NTN3: variants seen among roughly 807,000 people sequenced by gnomAD.
The protein encoded by NTN3 is netrin-3.
In NTN3, 44 loss-of-function variants were observed where a neutral mutation model predicts 37.2. That is an observed-to-expected ratio of 1.18 (90% CI 0.93 to 1.52). The LOEUF (loss-of-function observed/expected upper bound fraction) is 1.52. Ranked by LOEUF, NTN3 falls within the 40% of genes most tolerant of loss-of-function variation. The pLI, the probability that NTN3 is intolerant of heterozygous loss-of-function variation, is 0.00. For missense variants in NTN3, 882 were observed against 857.3 expected (o/e 1.03, Z -0.36); for synonymous variants, 385 against 376.0 (o/e 1.02, Z -0.28).
intron 5 of NTN3, 84 bp downstream of exon 5, chr16:2,473,587 G>A (rs2065536714): frequency 8.3e-6 from 12 of 1,442,026 alleles, no homozygotes; most frequent in South Asian, 3.5e-5. Context: ...CCCTTGGAAC[G>A]CCTTGACCCT....
Position 2,471,935 on chromosome 16 carries a change from C to T in NTN3, c.234C>T (p.Pro78=), listed in dbSNP as rs1218673531. 1.9e-6 allele frequency: 3 copies of T among 1,550,872 alleles called. No individual in the cohort carries two copies. Among genetic ancestry groups the T allele is most frequent in the Admixed American group, 1.9e-5 (1 of 53,700 alleles). Residue 78 remains proline, a synonymous_variant, in exon 1 of 6, where the codon CCC becomes CCT. Coordinates refer to ENST00000293973, the MANE Select transcript of NTN3 (RefSeq NM_006181.3). ...DASDPRRAHS[P]ALLTSPGGTA... ...CCGACCCGCGACGGGCACACTCCCC[C>T]GCCCTCCTTACTTCCCCAGGGGGCA...
chr16:2,472,120 A>T lies in NTN3; in HGVS notation c.419A>T (p.His140Leu). 6.2e-7 allele frequency: 1 copy of T among 1,608,412 alleles called. No individual in the cohort carries two copies. The highest frequency in any genetic ancestry group is 8.5e-7 in the Non-Finnish European group (1 of 1,179,070). Residue 140 changes from histidine (H) to leucine (L), a missense_variant, in exon 1 of 6, where the codon CAT becomes CTT. Transcript: ENST00000293973. ...ASVALLKSQDHGRSWAPLGFF... is the reference protein window; with the variant it reads ...ASVALLKSQDLGRSWAPLGFF... ...GTGGCCCTGCTCAAGTCTCAGGACC[A>T]TGGCCGCAGCTGGGCCCCGCTGGGC... is the stretch of plus-strand genomic sequence containing the variant.
In NTN3 at chr16:2,473,093, C is replaced by T. The variant is rs2065532021; in HGVS notation, c.1226C>T (p.Pro409Leu). The change falls in exon 3 of 6, where the codon CCT becomes CTT. Residue 409 changes from proline (P) to leucine (L), a missense_variant. Transcript: ENST00000293973. ...GGCCTCACCTGCAACCGCTGCGCGC[C>T]TGGCTTCCAGCAAAGCCGCTCCCCA... ...VTGLTCNRCA[P>L]GFQQSRSPVA... 6.2e-7 allele frequency: 1 copy of T among 1,609,892 alleles called. No homozygotes were observed. Among genetic ancestry groups the T allele is most frequent in the Non-Finnish European group, 8.5e-7 (1 of 1,179,068 alleles).
In NTN3 at chr16:2,472,630, G is replaced by A. The variant is rs2141845121; in HGVS notation, c.928+1G>A. 6.3e-6 allele frequency: 10 copies of A among 1,596,744 alleles called. No homozygotes were observed. The East Asian group carries it at 2.2e-4, about 36-fold the overall frequency. ...GCCCGGGAATCCCACGCCTGCCTCG[G>A]TGAGGCCTTGGAGGGTGGCCTGGGG... On this transcript the variant is annotated splice_donor_variant, in intron 1 of 5. Transcript: ENST00000293973. LOFTEE classifies it high-confidence loss of function.
chr16:2,473,361 G>A, intron 4 of NTN3, 43 bp downstream of exon 4: 2 of 1,612,692 alleles, frequency 1.2e-6, no homozygotes, highest in South Asian at 2.2e-5. Context: ...CATGACTTTG[G>A]GGGAGGGGGC....
In NTN3 at chr16:2,471,942, CT is replaced by C; in HGVS notation, c.243del (p.Thr82LeufsTer24). 6.4e-7 allele frequency: 1 copy of C among 1,553,886 alleles called. No individual in the cohort carries two copies. Among genetic ancestry groups the C allele is most frequent in the Non-Finnish European group, 8.6e-7 (1 of 1,156,362 alleles). ...DPRRAHSPAL[L>X]TSPGGTASPL... ...GCGACGGGCACACTCCCCCGCCCTC[CT>C]TACTTCCCCAGGGGGCACGGCCAGC... On this transcript the variant is annotated frameshift_variant, in exon 1 of 6. Transcript: ENST00000293973. LOFTEE classifies it high-confidence loss of function.
chr16:2,473,671 G>A, intron 5 of NTN3, 85 bp from the exon 6 acceptor site: 2 of 1,303,568 alleles, frequency 1.5e-6, no homozygotes, highest in Non-Finnish European at 1.0e-6. Flanking sequence ...AGCCCCCACT[G>A]CCCTCCTGGT....
At position 2,474,073 on chromosome 16, in the gene NTN3, C is replaced by T; in HGVS notation, c.1711C>T (p.Arg571Cys). Residue 571 changes from arginine (R) to cysteine (C), a missense_variant, in exon 6 of 6, where the codon CGC becomes TGC. Physicochemically the swap from Arg to Cys is radical, Grantham distance 180 (BLOSUM62 -3). Transcript: ENST00000293973. ...WTRRLRRLQR[R>C]ERRGRCSAA Reference sequence around the variant, plus strand: ...GCGGCGCCTGCGGAGGCTGCAGCGACGCGAACGGCGGGGGCGCTGCAGCGC... The same window carrying T: ...GCGGCGCCTGCGGAGGCTGCAGCGATGCGAACGGCGGGGGCGCTGCAGCGC... 1 of 1,208,814 alleles carries T rather than the reference C, an allele frequency of 8.3e-7. No homozygotes were observed. The highest frequency in any genetic ancestry group is 1.0e-6 in the Non-Finnish European group (1 of 973,046). The allele number at this position is 1,208,814 out of a possible 1,614,324, so 74.9% of individuals were successfully genotyped here.
At position 2,472,860 on chromosome 16, in the gene NTN3, G is replaced by C; in HGVS notation, c.1088G>C (p.Arg363Pro). 1 of 1,601,504 alleles carries C rather than the reference G, an allele frequency of 6.2e-7. No homozygotes were observed. The highest frequency in any genetic ancestry group is 8.5e-7 in the Non-Finnish European group (1 of 1,175,290). The stretch of plus-strand genomic sequence containing the variant: ...GAGGGCTTCTATCGAGACCCTGGCC[G>C]TGCCCTGAGTGACCGTCGGGCTTGC... ...CREGFYRDPGRALSDRRACRA... is the reference protein window; with the variant it reads ...CREGFYRDPGPALSDRRACRA... Residue 363 changes from arginine (R) to proline (P), a missense_variant, in exon 2 of 6, where the codon CGT becomes CCT. Arg to Pro is a moderately radical substitution (Grantham distance 103). Transcript: ENST00000293973.
In NTN3 at chr16:2,472,519, T is replaced by A. The variant is rs764172745; in HGVS notation, c.818T>A (p.Ile273Asn). 18 of 1,607,652 alleles carry A rather than the reference T, an allele frequency of 1.1e-5. 1 individual carries two copies. The South Asian group carries it at 2.0e-4, about 18-fold the overall frequency. Residue 273 changes from isoleucine to asparagine, a missense_variant, in exon 1 of 6, where the codon ATC (isoleucine) becomes AAC (asparagine). Physicochemically the swap from Ile to Asn is moderately radical, Grantham distance 149. Transcript: ENST00000293973. ...RCLLDTQGHL[I>N]CDCRHGTEGP... ...CTGCTGGACACACAGGGCCACCTGATCTGCGACTGTCGGCATGGCACCGAG... is the reference window on the plus strand; with the variant it reads ...CTGCTGGACACACAGGGCCACCTGAACTGCGACTGTCGGCATGGCACCGAG...
chr16:2,472,643 G>A lies in NTN3; in HGVS notation c.928+14G>A. The A allele has an allele frequency of 3.1e-6, 5 of 1,599,434 alleles. No individual in the cohort carries two copies. The highest frequency in any genetic ancestry group is 2.2e-5 in the East Asian group (1 of 44,578). ...ACGCCTGCCTCGGTGAGGCCTTGGA[G>A]GGTGGCCTGGGGACCTTGGACACAA... On this transcript the variant is annotated intron_variant, in intron 1 of 5. Coordinates refer to ENST00000293973, the MANE Select transcript of NTN3 (RefSeq NM_006181.3).
At position 2,472,055 on chromosome 16, in the gene NTN3, C is replaced by T; in HGVS notation, c.354C>T (p.Val118=). 6.2e-7 allele frequency: 1 copy of T among 1,608,982 alleles called. No homozygotes were observed. Among genetic ancestry groups the T allele is most frequent in the Non-Finnish European group, 8.5e-7 (1 of 1,179,132 alleles). ...CCCTGGGCAAGGCTTTTGAGCTGGT[C>T]TTCGTGAGCCTGCGCTTCTGCTCAG... is the stretch of plus-strand genomic sequence containing the variant. ...TVPLGKAFEL[V]FVSLRFCSAP... The change falls in exon 1 of 6, where the codon GTC becomes GTT. Residue 118 remains valine, a synonymous_variant. Transcript: ENST00000293973.
rs2065537080 is a variant in NTN3, at chr16:2,473,634, C to T, written c.1394-122C>T. ...AAGGCCCATCCTCATCCCTCAGGTC[C>T]TCCACGGGCAGCGACCCCGCCCCTT... On this transcript the variant is annotated intron_variant, in intron 5 of 5. Transcript: ENST00000293973. The T allele has an allele frequency of 4.0e-6, 5 of 1,250,430 alleles. No individual in the cohort carries two copies. The African/African-American group carries it at 6.0e-5, about 15-fold the overall frequency. The allele number at this position is 1,250,430 out of a possible 1,614,324, so 77.5% of individuals were successfully genotyped here.
rs1434992393 is a variant in NTN3 at position 2,472,161 on chromosome 16, T to C, written c.460T>C (p.Cys154Arg). The change falls in exon 1 of 6, where the codon TGT becomes CGT. Residue 154 changes from cysteine to arginine, a missense_variant. Coordinates refer to ENST00000293973, the MANE Select transcript of NTN3 (RefSeq NM_006181.3). ...WAPLGFFSSH[C>R]DLDYGRLPAP... Reference sequence around the variant, plus strand: ...CCCGCTGGGCTTCTTCTCCTCCCACTGTGACCTGGACTATGGCCGTCTGCC... The same window carrying C: ...CCCGCTGGGCTTCTTCTCCTCCCACCGTGACCTGGACTATGGCCGTCTGCC... The C allele has an allele frequency of 1.9e-6, 3 of 1,608,566 alleles. No homozygotes were observed. Among genetic ancestry groups the C allele is most frequent in the Non-Finnish European group, 2.5e-6 (3 of 1,179,834 alleles).
chr16:2,472,176 G>A lies in NTN3; in HGVS notation c.475G>A (p.Gly159Ser). The A allele has an allele frequency of 6.2e-7, 1 of 1,608,524 alleles. No individual in the cohort carries two copies. Among genetic ancestry groups the A allele is most frequent in the Non-Finnish European group, 8.5e-7 (1 of 1,179,856 alleles). Residue 159 changes from glycine to serine, a missense_variant, in exon 1 of 6, where the codon GGC becomes AGC. Coordinates refer to ENST00000293973, the MANE Select transcript of NTN3 (RefSeq NM_006181.3). ...CTCCTCCCACTGTGACCTGGACTAT[G>A]GCCGTCTGCCTGCCCCTGCCAATGG... ...FFSSHCDLDY[G>S]RLPAPANGPA...
chr16:2,471,665 GGGC>G lies in NTN3; in HGVS notation c.-36_-34del. 1 of 1,290,604 alleles carries G rather than the reference GGGC, an allele frequency of 7.7e-7. No homozygotes were observed. 79.9% of individuals were successfully genotyped at this position (1,290,604 alleles called of 1,614,324 possible). A position where few individuals can be genotyped will look rare whatever the true frequency, so the allele number is the denominator to read the frequency against. On this transcript the variant is annotated 5_prime_UTR_variant, in exon 1 of 6. Transcript: ENST00000293973. ...TCTTTTCCCCAAGGGCAGCGTCTTG[GGGC>G]CCGGCCACTGGCTGACCCGCAGCGG...
Position 2,472,979 on chromosome 16 carries a change from C to T in NTN3, c.1118-6C>T. 1 of 1,596,568 alleles carries T rather than the reference C, an allele frequency of 6.3e-7. No homozygotes were observed. The highest frequency in any genetic ancestry group is 8.5e-7 in the Non-Finnish European group (1 of 1,170,514). ...CTGACCAGGCCCTTCCCACCTCTGT[C>T]CTCAGCCTGCGACTGTCACCCGGTT... is the stretch of plus-strand genomic sequence containing the variant. On this transcript the variant is annotated splice_polypyrimidine_tract_variant and splice_region_variant and intron_variant, in intron 2 of 5. Coordinates refer to ENST00000293973, the MANE Select transcript of NTN3 (RefSeq NM_006181.3).
rs766567092 is a variant in NTN3, at chr16:2,472,639, T to C, written c.928+10T>C. On this transcript the variant is annotated intron_variant, in intron 1 of 5. Coordinates refer to ENST00000293973, the MANE Select transcript of NTN3 (RefSeq NM_006181.3). ...TCCCACGCCTGCCTCGGTGAGGCCT[T>C]GGAGGGTGGCCTGGGGACCTTGGAC... 19 of 1,600,256 alleles carry C rather than the reference T, an allele frequency of 1.2e-5. No homozygotes were observed. In the Admixed American group the frequency reaches 2.9e-4, roughly 24 times the overall value.
In NTN3 at chr16:2,472,769, C is replaced by G; in HGVS notation, c.997C>G (p.Arg333Gly). 2 of 1,608,292 alleles carry G rather than the reference C, an allele frequency of 1.2e-6. No homozygotes were observed. The highest frequency in any genetic ancestry group is 1.7e-6 in the Non-Finnish European group (2 of 1,179,548). The change falls in exon 2 of 6, where the codon CGC becomes GGC. Residue 333 changes from arginine to glycine, a missense_variant. Coordinates refer to ENST00000293973, the MANE Select transcript of NTN3 (RefSeq NM_006181.3). ...NMELYRLSGRRSGGVCLNCRH... is the reference protein window; with the variant it reads ...NMELYRLSGRGSGGVCLNCRH... The stretch of plus-strand genomic sequence containing the variant: ...GGAGCTGTACCGACTGTCCGGCCGC[C>G]GCAGCGGGGGTGTCTGTCTCAACTG...
Sources: gnomAD v4.1 joint callset for allele counts on GRCh38, gnomAD v4.1.1 for gene constraint, MANE v1.5 for transcripts, NCBI Gene and HGNC (gene_info 2026-07-23, HGNC 2026-07-21) for gene names.